CFAP58: variants seen among roughly 807,000 people sequenced by gnomAD.
The protein encoded by CFAP58 is cilia and flagella associated protein 58, also known as cilia- and flagella-associated protein 58.
A neutral mutation model predicts 119.5 loss-of-function variants in CFAP58; 88 were observed. The ratio of observed to expected loss-of-function variants is 0.74; its 90% CI spans 0.62 to 0.88. CFAP58 has a LOEUF of 0.88. CFAP58 is among the 40% of genes least tolerant of loss of function. The pLI is 0.00. For synonymous variants in CFAP58, 365 were observed against 366.3 expected, an observed-to-expected ratio of 1.00 and a Z score of 0.04; for missense variants, 990 against 1,021.2, an observed-to-expected ratio of 0.97 and a Z score of 0.42.
chr10:104,417,264 T>C (rs911166798), intron 15 of CFAP58, among the ~76,000 whole-genome samples: 7 of 152,240 alleles, frequency 4.6e-5, no homozygotes, highest in African/African-American at 1.7e-4. Flanking sequence ...CTTCCTATGC[T>C]TTGCTCTCCT....
Position 104,450,117 on chromosome 10 carries a change from A to G in CFAP58, c.2423A>G (p.Tyr808Cys). The change falls in exon 17 of 18, where the codon TAT becomes TGT. Residue 808 changes from tyrosine (Y) to cysteine (C), a missense_variant. Transcript: ENST00000369704. ...ATGTATGAAGTACAGAGCAAAGAAT[A>G]TAAATATGAGGTAGAGAAACTTACC... ...LNMYEVQSKE[Y>C]KYEVEKLTNE... 2 of 1,612,958 alleles carry G rather than the reference A, an allele frequency of 1.2e-6. No individual in the cohort carries two copies. Among genetic ancestry groups the G allele is most frequent in the Non-Finnish European group, 1.7e-6 (2 of 1,179,342 alleles).
chr10:104,355,463 T>C (rs2014531675), intron 1 of CFAP58, among the ~76,000 whole-genome samples: 4 of 152,220 alleles, frequency 2.6e-5, no homozygotes, highest in Admixed American at 2.0e-4. Flanking sequence ...TTTCTTCCTT[T>C]CTTCTACTTT....
intron 15 of CFAP58, among the ~76,000 whole-genome samples, chr10:104,441,400 A>G (rs1180878039): frequency 6.6e-6 from 1 of 152,222 alleles, no homozygotes. Flanking sequence ...GACGTGTTTC[A>G]TTACTGGCTT....
chr10:104,350,555 G>C (rs1201112070), upstream of CFAP58, among the ~76,000 whole-genome samples: 1 of 152,110 alleles, frequency 6.6e-6, no homozygotes, highest in Non-Finnish European at 1.5e-5. Flanking sequence ...CATGTCACGC[G>C]CCTTTCTACC....
chr10:104,396,101 C>T (rs1197363370), intron 11 of CFAP58, among the ~76,000 whole-genome samples: 3 of 152,144 alleles, frequency 2.0e-5, no homozygotes, highest in Non-Finnish European at 4.4e-5. Context: ...TTCATCTGCC[C>T]ATTGTGTCCC....
chr10:104,357,826 C>T lies in CFAP58; in HGVS notation c.10-515C>T, dbSNP rs538115621. 7.6e-5 allele frequency among the ~76,000 whole-genome samples: 11 copies of T among 144,166 alleles called. No homozygotes were observed. In the South Asian group the frequency reaches 2.2e-3, roughly 29 times the overall value. The allele number at this position is 144,166 out of a possible 152,430, so 94.6% of individuals were successfully genotyped here. A position where few individuals can be genotyped will look rare whatever the true frequency, so the allele number is the denominator to read the frequency against. ...ACACACATATATATGTACATATATA[C>T]ACATATATGTACACATATGTACACA... On this transcript the variant is annotated intron_variant, in intron 1 of 17. Coordinates refer to ENST00000369704, the MANE Select transcript of CFAP58 (RefSeq NM_001008723.2).
intron 15 of CFAP58, among the ~76,000 whole-genome samples, chr10:104,446,969 CT>C (rs1214305337): frequency 6.6e-6 from 1 of 152,048 alleles, no homozygotes; most frequent in African/African-American, 2.4e-5. Flanking sequence ...TACCTCTTCC[CT>C]CAAGACATTT....
intron 15 of CFAP58, among the ~76,000 whole-genome samples, chr10:104,430,873 A>G (rs987574800): frequency 6.6e-6 from 1 of 152,234 alleles, no homozygotes. Flanking sequence ...TCAACATGAA[A>G]TGAATTTATT....
At chr10:104,379,484 A>G (rs1441860576) in intron 8 of CFAP58, among the ~76,000 whole-genome samples, 1 of 152,166 alleles carries the variant, frequency 6.6e-6, no homozygotes, top group Non-Finnish European at 1.5e-5. Flanking sequence ...CTCATGTACA[A>G]GTTTTTGCTT....
Position 104,393,494 on chromosome 10 carries a change from A to G in CFAP58, c.1674+19A>G, listed in dbSNP as rs1192138567. On this transcript the variant is annotated intron_variant, in intron 11 of 17. Transcript: ENST00000369704. ...ATTGAAGGTACTGACCTCATAGTAA[A>G]AGCAAAGTACCAACAGTTCATCAGC... 3 of 1,604,290 alleles carry G rather than the reference A, an allele frequency of 1.9e-6. No individual in the cohort carries two copies. Among genetic ancestry groups the G allele is most frequent in the East Asian group, 2.2e-5 (1 of 44,686 alleles).
intron 15 of CFAP58, among the ~76,000 whole-genome samples, chr10:104,438,631 TC>T (rs1313505364): frequency 1.3e-5 from 2 of 152,208 alleles, no homozygotes; most frequent in African/African-American, 2.4e-5. Context: ...CACCTCGGCC[TC>T]CCAAAGTGCT....
intron 1 of CFAP58, among the ~76,000 whole-genome samples, chr10:104,358,017 G>A (rs1291392374): frequency 1.6e-5 from 2 of 122,828 alleles, no homozygotes; most frequent in East Asian, 2.2e-4. Flanking sequence ...ACACATATAT[G>A]TACATATATA....
intron 13 of CFAP58, among the ~76,000 whole-genome samples, chr10:104,401,756 T>C (rs1055583583): frequency 6.8e-6 from 1 of 147,332 alleles, no homozygotes; most frequent in Non-Finnish European, 1.5e-5. Context: ...TCAATACTTT[T>C]TCTTTTTTTT....
At chr10:104,342,836 C>T in the CFAP58 span, among the ~76,000 whole-genome samples, 1 of 120,516 alleles carries the variant, frequency 8.3e-6, no homozygotes, top group Non-Finnish European at 1.7e-5. Context: ...GGGAGTGAGA[C>T]CCTGTATCAA....
At chr10:104,399,283 A>G (rs1361768975) in intron 11 of CFAP58, 77 bp from the exon 12 acceptor site, 8 of 1,506,192 alleles carry the variant, frequency 5.3e-6, no homozygotes, top group Non-Finnish European at 7.3e-6. Context: ...ACAACTGTAC[A>G]TCTGAATCCG....
At chr10:104,338,942 G>C in the CFAP58 span, among the ~76,000 whole-genome samples, 1 of 139,032 alleles carries the variant, frequency 7.2e-6, no homozygotes, top group African/African-American at 2.8e-5. Context: ...TTTCGCTCTT[G>C]TTGCCCAGGC....
intron 15 of CFAP58, among the ~76,000 whole-genome samples, chr10:104,417,109 G>T (rs2012566833): frequency 6.6e-6 from 1 of 152,202 alleles, no homozygotes; most frequent in African/African-American, 2.4e-5. Context: ...TACTGGTTCA[G>T]TCTGAGAAAC....
At chr10:104,377,994 A>G (rs1448358712) in intron 8 of CFAP58, among the ~76,000 whole-genome samples, 1 of 152,258 alleles carries the variant, frequency 6.6e-6, no homozygotes, top group African/African-American at 2.4e-5. Flanking sequence ...TTTTATATGT[A>G]CTAATAAACA....
At chr10:104,424,094 C>A (rs1317821596) in intron 15 of CFAP58, among the ~76,000 whole-genome samples, 3 of 152,108 alleles carry the variant, frequency 2.0e-5, no homozygotes, top group African/African-American at 7.2e-5. Flanking sequence ...CTTAAAGCAG[C>A]TCTGATAGAT....
Sources: gnomAD v4.1 joint callset for allele counts (sites outside exome capture counted in the v4.1 genomes callset) on GRCh38, gnomAD v4.1.1 for gene constraint, MANE v1.5 for transcripts, NCBI Gene and HGNC (gene_info 2026-07-23, HGNC 2026-07-21) for gene names.